Variants in TACC2 observed in about 807,000 individuals in gnomAD.
TACC2 encodes transforming acidic coiled-coil-containing protein 2.
Under a neutral mutation model 227.3 loss-of-function variants are expected in TACC2, and 137 were observed. The ratio of observed to expected loss-of-function variants is 0.60; its 90% CI spans 0.52 to 0.69. TACC2 has a LOEUF of 0.69. TACC2 is among the 30% of genes least tolerant of loss of function. TACC2 has a pLI of 0.00. For missense variants in TACC2, 3,470 were observed against 3,694.4 expected, an observed-to-expected ratio of 0.94 and a Z score of 1.57; for synonymous variants, 1,523 against 1,487.5, an observed-to-expected ratio of 1.02 and a Z score of -0.55.
At chr10:122,215,915 C>T (rs1209602131) in intron 10 of TACC2, among the ~76,000 whole-genome samples, 4 of 152,228 alleles carry the variant, frequency 2.6e-5, no homozygotes, top group African/African-American at 9.6e-5. Context: ...TAGAGTCCCT[C>T]TTACCAGTTC....
intron 3 of TACC2, among the ~76,000 whole-genome samples, chr10:122,073,126 A>AAATATAT (rs1383487943): frequency 2.5e-4 from 18 of 71,004 alleles, no homozygotes; most frequent in Non-Finnish European, 2.7e-4. Context: ...AAAAAAAAAA[A>AAATATAT]ATATATATAT....
At chr10:122,221,157 G>A (rs1253066534) in intron 11 of TACC2, among the ~76,000 whole-genome samples, 7 of 152,250 alleles carry the variant, frequency 4.6e-5, no homozygotes, top group Admixed American at 3.9e-4. Flanking sequence ...GGCTGTAATT[G>A]TATCAACTCA....
intron 1 of TACC2, among the ~76,000 whole-genome samples, chr10:122,008,014 C>T (rs1237269224): frequency 6.6e-6 from 1 of 152,172 alleles, no homozygotes; most frequent in Admixed American, 6.6e-5. Context: ...CAAGAAAGCC[C>T]TCACCGCGTG....
At position 122,181,033 on chromosome 10, in the gene TACC2, C is replaced by T. The variant is rs536387749; in HGVS notation, c.5835-14007C>T. Among the ~76,000 whole-genome samples the T allele has an allele frequency of 7.2e-4, 110 of 152,288 alleles. 1 individual carries two copies. Among genetic ancestry groups the T allele is most frequent in the Non-Finnish European group, 1.4e-3 (98 of 68,022 alleles). ...TGCTGGGATTACAGGCATGAGCCAC[C>T]GCGCCCGGCCAAGAGGGAGAAATTT... is the stretch of plus-strand genomic sequence containing the variant. On this transcript the variant is annotated intron_variant, in intron 7 of 22. Coordinates refer to ENST00000369005, the MANE Select transcript of TACC2 (RefSeq NM_206862.4).
intron 1 of TACC2, 91 bp from the exon 2 acceptor site, chr10:122,021,846 C>A (rs986585044): frequency 4.3e-5 from 31 of 713,834 alleles, no homozygotes; most frequent in East Asian, 1.6e-4. Flanking sequence ...TTCCCATCAT[C>A]TGGCTTTTGA....
chr10:122,049,416 C>T (rs745928235), intron 2 of TACC2, among the ~76,000 whole-genome samples: 1 of 152,170 alleles, frequency 6.6e-6, no homozygotes, highest in African/African-American at 2.4e-5. Flanking sequence ...TCAGGGAATC[C>T]CGTAGAAGGT....
At position 122,211,230 on chromosome 10, in the gene TACC2, T is replaced by C. The variant is rs2095286130; in HGVS notation, c.6805T>C (p.Tyr2269His). Reference protein sequence around the residue: ...KGLSVRLEFDYSEDKSSWDNQ... With the variant: ...KGLSVRLEFDHSEDKSSWDNQ... Reference sequence around the variant, plus strand: ...GCTCTCCGTAAGGCTGGAGTTTGACTATTCTGAGGACAAGAGTAGTTGGGA... The same window carrying C: ...GCTCTCCGTAAGGCTGGAGTTTGACCATTCTGAGGACAAGAGTAGTTGGGA... Residue 2269 changes from tyrosine to histidine, a missense_variant, in exon 9 of 23, where the codon TAT becomes CAT. Coordinates refer to ENST00000369005, the MANE Select transcript of TACC2 (RefSeq NM_206862.4). 1 of 1,613,928 alleles carries C rather than the reference T, an allele frequency of 6.2e-7. No individual in the cohort carries two copies. The highest frequency in any genetic ancestry group is 1.7e-5 in the Admixed American group (1 of 59,992).
rs1358939475 is a variant in TACC2, at chr10:122,248,713, C to A, written c.8463C>A (p.Ala2821=). 1.9e-6 allele frequency: 3 copies of A among 1,614,074 alleles called. No individual in the cohort carries two copies. Among genetic ancestry groups the A allele is most frequent in the Non-Finnish European group, 2.5e-6 (3 of 1,180,026 alleles). The stretch of plus-strand genomic sequence containing the variant: ...AGCTGGTTCTGGAGAAGGAGCAAGC[C>A]CTGGCCGACCTGAACTCCGTGGAGA... ...VQQLVLEKEQ[A]LADLNSVEKS... Residue 2821 remains alanine, a synonymous_variant, in exon 20 of 23, where the codon GCC becomes GCA. Coordinates refer to ENST00000369005, the MANE Select transcript of TACC2 (RefSeq NM_206862.4).
intron 7 of TACC2, among the ~76,000 whole-genome samples, chr10:122,185,020 T>A (rs2094132579): frequency 6.8e-6 from 1 of 147,496 alleles, no homozygotes; most frequent in East Asian, 2.0e-4. Flanking sequence ...TGTCACTTAT[T>A]CTTTTTTTTT....
chr10:122,076,776 G>A (rs372918591), intron 3 of TACC2, among the ~76,000 whole-genome samples: 27 of 152,012 alleles, frequency 1.8e-4, no homozygotes, highest in African/African-American at 6.3e-4. Context: ...GAGAGGTTTG[G>A]ACTAATGAAT....
chr10:122,142,799 G>A (rs2090812127), intron 6 of TACC2, among the ~76,000 whole-genome samples: 1 of 152,224 alleles, frequency 6.6e-6, no homozygotes, highest in Admixed American at 6.5e-5. Flanking sequence ...GGGATGGCTG[G>A]AGAGGCTGGG....
chr10:122,105,919 G>A (rs897143256), intron 5 of TACC2, among the ~76,000 whole-genome samples: 1 of 149,986 alleles, frequency 6.7e-6, no homozygotes, highest in African/African-American at 2.5e-5. Context: ...CACTGCGCCT[G>A]GCCTGTCATA....
At chr10:122,186,489 T>A (rs1465020610) in intron 7 of TACC2, among the ~76,000 whole-genome samples, 1 of 152,014 alleles carries the variant, frequency 6.6e-6, no homozygotes, top group Non-Finnish European at 1.5e-5. Flanking sequence ...CAAGACTCAG[T>A]CTCTGGGGGG....
At chr10:122,103,343 TC>T (rs1358396165) in intron 5 of TACC2, among the ~76,000 whole-genome samples, 2 of 152,080 alleles carry the variant, frequency 1.3e-5, no homozygotes, top group Non-Finnish European at 2.9e-5. Context: ...CCGGGTGAGT[TC>T]ACCACTCAAA....
intron 8 of TACC2, among the ~76,000 whole-genome samples, chr10:122,197,077 A>G (rs2094597896): frequency 6.6e-6 from 1 of 152,048 alleles, no homozygotes; most frequent in Non-Finnish European, 1.5e-5. Context: ...CCTGCCCAAC[A>G]TAGTGAAACC....
chr10:122,084,242 A>G lies in TACC2; in HGVS notation c.1742A>G (p.Glu581Gly). 2 of 1,614,082 alleles carry G rather than the reference A, an allele frequency of 1.2e-6. No individual in the cohort carries two copies. Among genetic ancestry groups the G allele is most frequent in the Non-Finnish European group, 1.7e-6 (2 of 1,180,044 alleles). Residue 581 changes from glutamate (E) to glycine (G), a missense_variant, in exon 4 of 23, where the codon GAA becomes GGA. Around this residue, in one of 10 missense-constraint regions of TACC2, gnomAD observed 1,924 missense variants for 1,978.3 expected, o/e 0.97. Coordinates refer to ENST00000369005, the MANE Select transcript of TACC2 (RefSeq NM_206862.4). ...GGTGACAGCCCTGGAGGAAAGGAGG[A>G]AGCCCCAGAGCCACCTGATGGTGGA... ...SPGDSPGGKEEAPEPPDGGDP... is the reference protein window; with the variant it reads ...SPGDSPGGKEGAPEPPDGGDP...
chr10:122,169,518 T>C (rs2093360278), intron 7 of TACC2, among the ~76,000 whole-genome samples: 1 of 152,202 alleles, frequency 6.6e-6, no homozygotes, highest in Admixed American at 6.5e-5. Context: ...AGAGACAACA[T>C]GTAAATCCAT....
intron 22 of TACC2, among the ~76,000 whole-genome samples, chr10:122,253,205 C>CCCCTCCA (rs1428933108): frequency 6.6e-6 from 1 of 152,166 alleles, no homozygotes; most frequent in East Asian, 1.9e-4. Context: ...AAAACATCCC[C>CCCCTCCA]AGTATGCTGG....
intron 3 of TACC2, among the ~76,000 whole-genome samples, chr10:122,072,879 C>A (rs1011541180): frequency 6.6e-6 from 1 of 151,786 alleles, no homozygotes; most frequent in Non-Finnish European, 1.5e-5. Context: ...TTTGGGAGGC[C>A]AAGGAGGGCA....
Sources: allele counts gnomAD v4.1 joint callset (sites outside exome capture counted in the v4.1 genomes callset), GRCh38; gene constraint gnomAD v4.1.1; regional missense constraint gnomAD v4.1.1; transcripts MANE v1.5; gene names NCBI Gene and HGNC (gene_info 2026-07-23, HGNC 2026-07-21).